Variants in SGTB observed in about 807,000 individuals in gnomAD.
SGTB encodes the protein small glutamine rich tetratricopeptide repeat co-chaperone beta.
SGTB carries 19 observed loss-of-function variants against 43.9 expected under a neutral mutation model. The observed-to-expected ratio is 0.43, with a 90% CI of 0.30 to 0.63. The LOEUF (loss-of-function observed/expected upper bound fraction) is 0.63, where lower values mean the gene tolerates loss of function less well. Ranked by LOEUF, SGTB falls within the 30% of genes least tolerant of loss-of-function variation. The pLI, the probability that SGTB is intolerant of heterozygous loss-of-function variation, is 0.12. For missense variants in SGTB, 304 were observed against 358.9 expected (o/e 0.85, Z 1.24); for synonymous variants, 116 against 117.3 (o/e 0.99, Z 0.07).
At chr5:65,695,103 G>A (rs1234926021) in intron 5 of SGTB, among the ~76,000 whole-genome samples, 3 of 152,130 alleles carry the variant, frequency 2.0e-5, no homozygotes, top group Admixed American at 6.5e-5. Context: ...CAGGAGTGGG[G>A]AGTGCAAGTA....
intron 8 of SGTB, among the ~76,000 whole-genome samples, chr5:65,675,450 C>A (rs1332729768): frequency 6.6e-6 from 1 of 152,100 alleles, no homozygotes; most frequent in Non-Finnish European, 1.5e-5. Context: ...AAATATGATG[C>A]TCTCCCTGGA....
At chr5:65,682,488 G>A (rs1757415875) in intron 6 of SGTB, among the ~76,000 whole-genome samples, 1 of 152,210 alleles carries the variant, frequency 6.6e-6, no homozygotes, top group African/African-American at 2.4e-5. Context: ...GGTAAGAGAT[G>A]TAGTTTGGAC....
At chr5:65,701,613 G>A (rs1319610798) in intron 5 of SGTB, among the ~76,000 whole-genome samples, 1 of 150,634 alleles carries the variant, frequency 6.6e-6, no homozygotes, top group African/African-American at 2.4e-5. Context: ...TAAGCCATAT[G>A]TGGCTATTTA....
intron 3 of SGTB, among the ~76,000 whole-genome samples, chr5:65,710,061 T>A (rs1020956854): frequency 1.3e-5 from 2 of 152,180 alleles, no homozygotes; most frequent in Non-Finnish European, 2.9e-5. Flanking sequence ...TATTTTTTTT[T>A]AAATCATTAT....
chr5:65,717,517 C>A, intron 2 of SGTB, among the ~76,000 whole-genome samples: 1 of 150,870 alleles, frequency 6.6e-6, no homozygotes, highest in Admixed American at 6.7e-5. Flanking sequence ...CATGAATAGT[C>A]CATCTATGGT....
chr5:65,713,399 G>A (rs1691105622), intron 2 of SGTB, among the ~76,000 whole-genome samples: 1 of 151,806 alleles, frequency 6.6e-6, no homozygotes, highest in South Asian at 2.1e-4. Context: ...ATAGCTCACT[G>A]TTGCCTTGAC....
intron 2 of SGTB, among the ~76,000 whole-genome samples, chr5:65,718,203 G>A (rs1758187411): frequency 6.6e-6 from 1 of 152,138 alleles, no homozygotes; most frequent in African/African-American, 2.4e-5. Flanking sequence ...TTTTGGATCA[G>A]GTAATTTCTT....
chr5:65,682,188 G>A (rs1040893410), intron 6 of SGTB, among the ~76,000 whole-genome samples: 2 of 152,186 alleles, frequency 1.3e-5, no homozygotes, highest in African/African-American at 2.4e-5. Flanking sequence ...GCAGTAAACA[G>A]AAAGGTCCCA....
intron 6 of SGTB, among the ~76,000 whole-genome samples, chr5:65,682,489 T>C (rs943831077): frequency 6.6e-6 from 1 of 152,198 alleles, no homozygotes; most frequent in Non-Finnish European, 1.5e-5. Flanking sequence ...GTAAGAGATG[T>C]AGTTTGGACT....
intron 1 of SGTB, among the ~76,000 whole-genome samples, chr5:65,721,398 G>A (rs1336860627): frequency 6.6e-6 from 1 of 152,192 alleles, no homozygotes; most frequent in African/African-American, 2.4e-5. Context: ...CGCTGCCCAA[G>A]TCGATGGATA....
chr5:65,698,757 A>T (rs1757757483), intron 5 of SGTB, among the ~76,000 whole-genome samples: 1 of 152,168 alleles, frequency 6.6e-6, no homozygotes. Context: ...AAGTATACAA[A>T]TGGCCAACAA....
intron 5 of SGTB, among the ~76,000 whole-genome samples, chr5:65,701,868 C>T (rs1277301409): frequency 6.6e-6 from 1 of 152,146 alleles, no homozygotes; most frequent in Non-Finnish European, 1.5e-5. Context: ...CTCCTGACCT[C>T]GTGATCCGCC....
chr5:65,712,815 C>A, intron 3 of SGTB, 146 bp downstream of exon 3: 1 of 464,220 alleles, frequency 2.2e-6, no homozygotes, highest in Non-Finnish European at 3.7e-6. Flanking sequence ...TTTTAGATAC[C>A]CAATTATATC....
intron 5 of SGTB, among the ~76,000 whole-genome samples, chr5:65,698,113 G>T (rs966132439): frequency 6.6e-6 from 1 of 152,102 alleles, no homozygotes; most frequent in Non-Finnish European, 1.5e-5. Flanking sequence ...GGGATTACAG[G>T]CACCCTCCAC....
Position 65,670,278 on chromosome 5 carries a change from A to AT in SGTB, c.882dup (p.Ser295IlefsTer7), listed in dbSNP as rs1270846128. On this transcript the variant is annotated frameshift_variant, in exon 11 of 11. Transcript: ENST00000381007. LOFTEE classifies it high-confidence loss of function. ...TGCTCTTCAGCGCTGCTGCTGAATG[A>AT]TCTGCTCCGGATGTGATTTCTCAGT... The AT allele has an allele frequency of 6.2e-7, 1 of 1,614,156 alleles. No homozygotes were observed. Among genetic ancestry groups the AT allele is most frequent in the Non-Finnish European group, 8.5e-7 (1 of 1,179,996 alleles).
At chr5:65,691,843 A>G (rs1465137572) in intron 5 of SGTB, among the ~76,000 whole-genome samples, 2 of 151,208 alleles carry the variant, frequency 1.3e-5, no homozygotes, top group Admixed American at 6.6e-5. Flanking sequence ...ACGCAGGAGA[A>G]TGGCGTGAAC....
At chr5:65,696,176 C>G (rs1253133420) in intron 5 of SGTB, among the ~76,000 whole-genome samples, 2 of 152,246 alleles carry the variant, frequency 1.3e-5, no homozygotes, top group Non-Finnish European at 2.9e-5. Flanking sequence ...TTCCCCTCTC[C>G]TCTGCCTATC....
intron 1 of SGTB, 123 bp from the exon 2 acceptor site, chr5:65,720,952 G>C: frequency 1.0e-6 from 1 of 960,030 alleles, no homozygotes; most frequent in Non-Finnish European, 1.5e-6. Context: ...ACACAAAACT[G>C]TATGACCTTT....
At chr5:65,701,009 CAAAAAAAAAAAAAAAA>C (rs1161067337) in intron 5 of SGTB, among the ~76,000 whole-genome samples, 3 of 16,120 alleles carry the variant, frequency 1.9e-4, no homozygotes, top group Non-Finnish European at 4.6e-4. Context: ...GACTCCGTCT[CAAAAAAAAAAAAAAAA>C]AAAAAAAAAA....
Sources: gnomAD v4.1 joint callset for allele counts (sites outside exome capture counted in the v4.1 genomes callset) on GRCh38, gnomAD v4.1.1 for gene constraint, MANE v1.5 for transcripts, NCBI Gene and HGNC (gene_info 2026-07-23, HGNC 2026-07-21) for gene names.